Variants in SARDH observed in about 807,000 individuals in gnomAD.
The protein encoded by SARDH is sarcosine dehydrogenase.
Under a neutral mutation model 109.1 loss-of-function variants are expected in SARDH, and 95 were observed. The ratio of observed to expected loss-of-function variants is 0.87; its 90% CI spans 0.74 to 1.03. SARDH has a LOEUF of 1.03. Ranked by LOEUF, SARDH falls within the 50% of genes least tolerant of loss-of-function variation. The pLI is 0.00. For missense variants in SARDH, 1,267 were observed against 1,287.8 expected, an observed-to-expected ratio of 0.98 and a Z score of 0.25; for synonymous variants, 572 against 534.8, an observed-to-expected ratio of 1.07 and a Z score of -0.96.
At position 133,732,609 on chromosome 9, in the gene SARDH, G is replaced by A. The variant is rs199621027; in HGVS notation, c.332-8C>T. The A allele has an allele frequency of 1.3e-5, 21 of 1,595,676 alleles. No individual in the cohort carries two copies. In the East Asian group the frequency reaches 4.5e-4, roughly 34 times the overall value. On this transcript the variant is annotated splice_polypyrimidine_tract_variant and splice_region_variant and intron_variant, in intron 2 of 20. Transcript: ENST00000439388. ...GCAGCTGCCACAGCAGGCCTGCCCG[G>A]GAGGGTGGGTGCCATCACTCCCCAG...
chr9:133,661,398 T>C (rs117718055), downstream of SARDH, among the ~76,000 whole-genome samples: 1,040 of 151,942 alleles, frequency 6.8e-3, 9 homozygotes, highest in Middle Eastern at 0.014. Flanking sequence ...GTCCCATTCA[T>C]ACCCCCAACT....
At chr9:133,698,009 T>TAAAAAAAAAAAAAAAAAAA (rs371381068) in intron 13 of SARDH, among the ~76,000 whole-genome samples, 7 of 95,678 alleles carry the variant, frequency 7.3e-5, no homozygotes, top group East Asian at 3.1e-4. Flanking sequence ...AGGAATCCAC[T>TAAAAAAAAAAAAAAAAAAA]AAAAAAAAAA....
chr9:133,713,553 C>T (rs1832009793), intron 8 of SARDH, among the ~76,000 whole-genome samples: 1 of 152,262 alleles, frequency 6.6e-6, no homozygotes, highest in Non-Finnish European at 1.5e-5. Context: ...TCCACTTCCC[C>T]CCGCCCAGCA....
intron 17 of SARDH, among the ~76,000 whole-genome samples, chr9:133,677,604 A>G (rs747095822): frequency 2.0e-5 from 3 of 152,224 alleles, no homozygotes; most frequent in Non-Finnish European, 2.9e-5. Context: ...CATGTCTGTT[A>G]TTATCAGATG....
intron 6 of SARDH, chr9:133,725,557 T>C (rs767517570): frequency 2.3e-6 from 1 of 433,410 alleles, no homozygotes; most frequent in South Asian, 1.6e-5. Context: ...GCACATTTAA[T>C]CCCAGCTACA....
chr9:133,665,486 C>T (rs1054328108), intron 20 of SARDH, among the ~76,000 whole-genome samples: 2 of 152,222 alleles, frequency 1.3e-5, no homozygotes, highest in African/African-American at 2.4e-5. Flanking sequence ...GCCTGTATGA[C>T]AGCCCTGCAT....
downstream of SARDH, among the ~76,000 whole-genome samples, chr9:133,662,069 G>A (rs973079482): frequency 1.3e-4 from 19 of 151,906 alleles, no homozygotes; most frequent in Non-Finnish European, 1.9e-4. The surrounding 1 kb of genome is among the most constrained non-coding windows in gnomAD (Gnocchi z 5.1). Context: ...TGGAGGCTGC[G>A]CTCACATCAA....
At chr9:133,711,901 C>T (rs1325868488) in intron 10 of SARDH, among the ~76,000 whole-genome samples, 1 of 152,130 alleles carries the variant, frequency 6.6e-6, no homozygotes, top group Non-Finnish European at 1.5e-5. Context: ...GCCATGAGGA[C>T]GAGACACAGG....
chr9:133,702,899 GGACC>G lies in SARDH; in HGVS notation c.1668+13_1668+16del. On this transcript the variant is annotated intron_variant, in intron 13 of 20. Coordinates refer to ENST00000439388, the MANE Select transcript of SARDH (RefSeq NM_001134707.2). ...AGGCAGAAGGACGGACCCCCACGGT[GGACC>G]CCAGCTACGCACCGTGTCGTGGTGG... The G allele has an allele frequency of 1.2e-6, 2 of 1,607,124 alleles. No individual in the cohort carries two copies. The highest frequency in any genetic ancestry group is 1.7e-6 in the Non-Finnish European group (2 of 1,177,278).
chr9:133,684,167 C>T (rs759072931), intron 17 of SARDH, among the ~76,000 whole-genome samples: 5 of 152,220 alleles, frequency 3.3e-5, no homozygotes, highest in African/African-American at 1.2e-4. Flanking sequence ...CTGCCCCCAG[C>T]GGACCCTTGG....
intron 13 of SARDH, among the ~76,000 whole-genome samples, chr9:133,700,931 G>T (rs776867805): frequency 6.6e-6 from 1 of 152,198 alleles, no homozygotes; most frequent in Non-Finnish European, 1.5e-5. Context: ...AAATAATCAT[G>T]ACAGCAACAA....
At position 133,670,726 on chromosome 9, in the gene SARDH, G is replaced by A. The variant is rs753638414; in HGVS notation, c.2353C>T (p.Arg785Trp). 2.0e-5 allele frequency: 32 copies of A among 1,592,396 alleles called. No homozygotes were observed. Among genetic ancestry groups the A allele is most frequent in the African/African-American group, 5.4e-5 (4 of 74,124 alleles). ...GCCTCCAGGGGGCTGTCGTCTGGCCGCAGGTCCGCGTGCCAGTGCCGGTAG... is the reference window on the plus strand; with the variant it reads ...GCCTCCAGGGGGCTGTCGTCTGGCCACAGGTCCGCGTGCCAGTGCCGGTAG... ...KGYRHWHADL[R>W]PDDSPLEAGL... Residue 785 changes from arginine to tryptophan, a missense_variant, in exon 19 of 21, where the codon CGG becomes TGG. Arg to Trp is a moderately radical substitution (Grantham distance 101). Transcript: ENST00000439388.
intron 17 of SARDH, among the ~76,000 whole-genome samples, chr9:133,674,940 C>T (rs757953315): frequency 1.3e-4 from 20 of 152,164 alleles, no homozygotes; most frequent in African/African-American, 4.3e-4. Flanking sequence ...AGGCAACCCA[C>T]GGGATGGGAG....
At position 133,672,618 on chromosome 9, in the gene SARDH, C is replaced by T. The variant is rs547571929; in HGVS notation, c.2164-921G>A. Among the ~76,000 whole-genome samples the T allele has an allele frequency of 1.9e-3, 287 of 152,320 alleles. 1 individual carries two copies. Among genetic ancestry groups the T allele is most frequent in the African/African-American group, 4.7e-3 (195 of 41,578 alleles). On this transcript the variant is annotated intron_variant, in intron 17 of 20. Coordinates refer to ENST00000439388, the MANE Select transcript of SARDH (RefSeq NM_001134707.2). The stretch of plus-strand genomic sequence containing the variant: ...ACAGCCAGGTGCCAAGCCCGTTGTC[C>T]GAGGAGCCCGTCACCCACCAATTCT...
chr9:133,702,346 G>A (rs989772387), intron 13 of SARDH, among the ~76,000 whole-genome samples: 13 of 152,194 alleles, frequency 8.5e-5, no homozygotes, highest in African/African-American at 3.1e-4. Flanking sequence ...CAGGGGCGAC[G>A]GGCTGCCAGC....
At chr9:133,683,669 A>G (rs1307221691) in intron 17 of SARDH, among the ~76,000 whole-genome samples, 1 of 152,218 alleles carries the variant, frequency 6.6e-6, no homozygotes, top group Non-Finnish European at 1.5e-5. Flanking sequence ...AGGTGAGAGC[A>G]GAGCCGCTGG....
intron 12 of SARDH, 68 bp from the exon 13 acceptor site, chr9:133,703,097 G>T: frequency 7.1e-7 from 1 of 1,406,132 alleles, no homozygotes; most frequent in Non-Finnish European, 9.8e-7. Flanking sequence ...CCCAGAGCGG[G>T]GTCCCGCTGA....
downstream of SARDH, among the ~76,000 whole-genome samples, chr9:133,662,612 G>A (rs528663420): frequency 5.9e-4 from 90 of 152,338 alleles, no homozygotes; most frequent in South Asian, 0.018. This position sits in a 1 kb window ranked among gnomAD's most constrained non-coding sequence, Gnocchi z 5.1. Flanking sequence ...TAACCCAAAC[G>A]TCTGCCCACA....
At chr9:133,690,986 G>A (rs1831071467) in intron 15 of SARDH, among the ~76,000 whole-genome samples, 2 of 152,100 alleles carry the variant, frequency 1.3e-5, no homozygotes, top group South Asian at 4.1e-4. Context: ...GACCTCTCAG[G>A]GCCCCAGGCA....
Sources: gnomAD v4.1 joint callset for allele counts (sites outside exome capture counted in the v4.1 genomes callset) on GRCh38, gnomAD v4.1.1 for gene constraint, Gnocchi (gnomAD v3.1) non-coding constraint, MANE v1.5 for transcripts, NCBI Gene and HGNC (gene_info 2026-07-23, HGNC 2026-07-21) for gene names.